NR2C1: variants seen among roughly 807,000 people sequenced by gnomAD.
The protein encoded by NR2C1 is TR2 nuclear hormone receptor.
In NR2C1, 33 loss-of-function variants were observed where a neutral mutation model predicts 74.8. That is an observed-to-expected ratio of 0.44 (90% confidence interval 0.33 to 0.59). The LOEUF is 0.59. NR2C1 is among the 20% of genes least tolerant of loss of function. The probability of loss-of-function intolerance (pLI) is 0.02; values close to 1 mark genes in which losing one functional copy is unlikely to be tolerated. For synonymous variants in NR2C1, 225 were observed against 240.6 expected, an observed-to-expected ratio of 0.94 and a Z score of 0.60; for missense variants, 568 against 715.6, an observed-to-expected ratio of 0.79 and a Z score of 2.35.
intron 8 of NR2C1, chr12:95,049,434 A>C: frequency 2.4e-6 from 1 of 421,322 alleles, no homozygotes; most frequent in East Asian, 3.5e-5. Flanking sequence ...TCTCTTTTTA[A>C]AATCTTGCAT....
chr12:95,041,987 G>T (rs1160446501), intron 9 of NR2C1, among the ~76,000 whole-genome samples: 1 of 152,066 alleles, frequency 6.6e-6, no homozygotes, highest in Non-Finnish European at 1.5e-5. Context: ...AGATGTAATG[G>T]TATACAAAAA....
At position 95,064,386 on chromosome 12, in the gene NR2C1, T is replaced by C. The variant is rs77471524; in HGVS notation, c.55-1648A>G. The stretch of plus-strand genomic sequence containing the variant: ...AATTAAGGGAGATCAGAAAGGACAC[T>C]ACTGCAGGTACCATCAATATCTGGT... On this transcript the variant is annotated intron_variant, in intron 2 of 13. Transcript: ENST00000333003. Among the ~76,000 whole-genome samples, 889 of 150,358 alleles carry C rather than the reference T, an allele frequency of 5.9e-3. 41 individuals are homozygous for C. The East Asian group carries it at 0.14, about 24-fold the overall frequency.
chr12:95,059,169 G>A (rs1032854594), intron 4 of NR2C1, among the ~76,000 whole-genome samples: 2 of 151,740 alleles, frequency 1.3e-5, no homozygotes, highest in South Asian at 4.2e-4. Context: ...GGGCATGGTG[G>A]CACACGCCTG....
chr12:95,049,650 G>GAT lies in NR2C1; in HGVS notation c.966-419_966-418dup, dbSNP rs58103595. Among the ~76,000 whole-genome samples the GAT allele has an allele frequency of 9.4e-3, 1,422 of 150,644 alleles. 24 individuals carry two copies. The highest frequency in any genetic ancestry group is 0.029 in the African/African-American group (1,204 of 41,142). ...TATTTTTTAAGAACATTATATGTAT[G>GAT]ATATATATATATATGATACTACAAG... is the stretch of plus-strand genomic sequence containing the variant. On this transcript the variant is annotated intron_variant, in intron 8 of 13. Coordinates refer to ENST00000333003, the MANE Select transcript of NR2C1 (RefSeq NM_003297.4).
intron 8 of NR2C1, among the ~76,000 whole-genome samples, chr12:95,050,727 T>A (rs978891770): frequency 6.6e-6 from 1 of 151,874 alleles, no homozygotes; most frequent in Non-Finnish European, 1.5e-5. Flanking sequence ...TACACTAATG[T>A]GTTCAGCTTA....
chr12:95,066,103 G>A (rs1181777291), intron 2 of NR2C1, among the ~76,000 whole-genome samples: 4 of 152,186 alleles, frequency 2.6e-5, no homozygotes, highest in Non-Finnish European at 5.9e-5. Flanking sequence ...GTAGTGCAGA[G>A]AGTGGCTTTG....
intron 1 of NR2C1, among the ~76,000 whole-genome samples, chr12:95,069,351 C>G (rs571503206): frequency 7.2e-5 from 11 of 152,280 alleles, no homozygotes; most frequent in Non-Finnish European, 1.3e-4. Flanking sequence ...ATGAATGAGA[C>G]TGCATATACA....
intron 7 of NR2C1, 130 bp from the exon 8 acceptor site, chr12:95,052,073 G>T: frequency 1.8e-6 from 1 of 544,862 alleles, no homozygotes; most frequent in Non-Finnish European, 3.0e-6. Context: ...AAAGTTAAAG[G>T]GCTGAGCTTT....
At position 95,051,763 on chromosome 12, in the gene NR2C1, T is replaced by C; in HGVS notation, c.964A>G (p.Arg322Gly). 2 of 1,598,536 alleles carry C rather than the reference T, an allele frequency of 1.3e-6. No individual in the cohort carries two copies. Among genetic ancestry groups the C allele is most frequent in the Non-Finnish European group, 1.7e-6 (2 of 1,176,080 alleles). Residue 322 changes from arginine to glycine, a missense_variant and splice_region_variant, in exon 8 of 14, where the codon AGG (arginine) becomes GGG (glycine). By Grantham distance (125) the Arg-to-Gly change is moderately radical (BLOSUM62 -2). Coordinates refer to ENST00000333003, the MANE Select transcript of NR2C1 (RefSeq NM_003297.4). ...ATTGATAATCAAAAGATACCTTACC[T>C]TGAAACATCACCGTTGGTCTGCATT... ...QEMQTNGDVS[R>G]AFDTLAKALN...
At chr12:95,045,275 A>G (rs17023606) in intron 9 of NR2C1, among the ~76,000 whole-genome samples, 3,160 of 152,262 alleles carry the variant, frequency 0.021, 100 homozygotes, top group African/African-American at 0.072. Context: ...AGAAACCATG[A>G]GCAGCTGGGT....
intron 11 of NR2C1, chr12:95,030,870 G>A: frequency 6.8e-6 from 11 of 1,612,000 alleles, no homozygotes; most frequent in Non-Finnish European, 9.3e-6. Context: ...AATTACCTTG[G>A]CATCTAGGAA....
intron 5 of NR2C1, 36 bp downstream of exon 5, chr12:95,058,272 CTT>C (rs1874214995): frequency 6.5e-7 from 1 of 1,544,362 alleles, no homozygotes; most frequent in African/African-American, 1.4e-5. Flanking sequence ...TTGCTGGAAT[CTT>C]TAAAAAGTAT....
intron 10 of NR2C1, among the ~76,000 whole-genome samples, chr12:95,032,482 G>C (rs1268731797): frequency 2.0e-5 from 3 of 147,368 alleles, no homozygotes; most frequent in Admixed American, 2.0e-4. Context: ...AAAAAAAAAA[G>C]ACCCCCATCT....
intron 13 of NR2C1, 102 bp downstream of exon 13, chr12:95,025,048 T>G: frequency 1.9e-6 from 1 of 536,950 alleles, no homozygotes; most frequent in Non-Finnish European, 3.2e-6. Context: ...AAGTTAAGGT[T>G]GCCTAAAACA....
At chr12:95,046,422 C>T (rs1011229546) in intron 9 of NR2C1, among the ~76,000 whole-genome samples, 2 of 152,066 alleles carry the variant, frequency 1.3e-5, no homozygotes, top group Admixed American at 1.3e-4. Flanking sequence ...CCCATCTCTA[C>T]ACAAAAATTT....
chr12:95,025,093 C>T (rs1386362344), intron 13 of NR2C1, 57 bp downstream of exon 13: 3 of 744,872 alleles, frequency 4.0e-6, no homozygotes, highest in African/African-American at 3.7e-5. Flanking sequence ...AATGAGATAA[C>T]AGATCCACAA....
At position 95,025,183 on chromosome 12, in the gene NR2C1, T is replaced by C. The variant is rs775929017; in HGVS notation, c.1604A>G (p.Tyr535Cys). ...GTCATCTGGATATGTTTTGGTTATA[T>C]AATCTTGGAATTCCACATAAGCCTT... ...QEKAYVEFQD[Y>C]ITKTYPDDTY... The change falls in exon 13 of 14, where the codon TAT (tyrosine) becomes TGT (cysteine). Residue 535 changes from tyrosine to cysteine, a missense_variant. Coordinates refer to ENST00000333003, the MANE Select transcript of NR2C1 (RefSeq NM_003297.4). The C allele has an allele frequency of 6.3e-7, 1 of 1,599,086 alleles. No individual in the cohort carries two copies.
At position 95,067,408 on chromosome 12, in the gene NR2C1, G is replaced by T; in HGVS notation, c.-7-17C>A. On this transcript the variant is annotated splice_polypyrimidine_tract_variant and intron_variant, in intron 1 of 13. Transcript: ENST00000333003. ...ATGATCTACCTGCCAAAAATAAAAA[G>T]ATGTTTTATAATTAAACTCACAAAA... 6.4e-7 allele frequency: 1 copy of T among 1,572,952 alleles called. No individual in the cohort carries two copies. Among genetic ancestry groups the T allele is most frequent in the Non-Finnish European group, 8.7e-7 (1 of 1,143,282 alleles).
At chr12:95,027,365 A>G (rs1869487506) in intron 12 of NR2C1, among the ~76,000 whole-genome samples, 1 of 152,152 alleles carries the variant, frequency 6.6e-6, no homozygotes, top group African/African-American at 2.4e-5. Flanking sequence ...AAGGTCTATC[A>G]TATTATTTCA....
Sources: gnomAD v4.1 joint callset for allele counts (sites outside exome capture counted in the v4.1 genomes callset) on GRCh38, gnomAD v4.1.1 for gene constraint, MANE v1.5 for transcripts, NCBI Gene and HGNC (gene_info 2026-07-23, HGNC 2026-07-21) for gene names.